WDPCP: variants seen among roughly 807,000 people sequenced by gnomAD.
WDPCP encodes the protein WD repeat containing planar cell polarity effector.
WDPCP carries 71 observed loss-of-function variants against 93.1 expected under a neutral mutation model. That is an observed-to-expected ratio of 0.76 (90% confidence interval 0.63 to 0.93). WDPCP has a LOEUF of 0.93. WDPCP is among the 40% of genes least tolerant of loss of function. WDPCP has a pLI of 0.00. For synonymous variants in WDPCP, 315 were observed against 315.0 expected (o/e 1.00, Z 0.00); for missense variants, 844 against 887.4 (o/e 0.95, Z 0.62).
rs571242475 is a variant in WDPCP at position 63,825,643 on chromosome 2, G to C, written n.222+1979C>G. ...CCAGTGCAGATTAGCAGGGGGTTCT[G>C]TTCATCATCACCCAGGAATTGAGGT... On this transcript the variant is annotated intron_variant and non_coding_transcript_variant, in intron 1 of 4. Coordinates refer to the WDPCP transcript ENST00000467687. Among the ~76,000 whole-genome samples the C allele has an allele frequency of 7.8e-4, 118 of 151,974 alleles. 2 individuals carry two copies. The highest frequency in any genetic ancestry group is 1.4e-3 in the Non-Finnish European group (94 of 67,954).
intron 2 of WDPCP, among the ~76,000 whole-genome samples, chr2:63,718,510 GTAGAGC>G (rs1232743648): frequency 6.6e-6 from 1 of 152,116 alleles, no homozygotes. Context: ...GATTAGTGAC[GTAGAGC>G]ATTTTTTCAT....
At chr2:63,351,795 G>A (rs1689642421) in intron 12 of WDPCP, among the ~76,000 whole-genome samples, 1 of 152,174 alleles carries the variant, frequency 6.6e-6, no homozygotes, top group Non-Finnish European at 1.5e-5. Flanking sequence ...CCAGTAATGG[G>A]ATTGCTGGAT....
intron 15 of WDPCP, among the ~76,000 whole-genome samples, chr2:63,156,061 G>A (rs978970041): frequency 2.0e-5 from 3 of 152,014 alleles, no homozygotes; most frequent in Non-Finnish European, 4.4e-5. Flanking sequence ...GAGCAGTGGC[G>A]GGATCTTGGC....
chr2:63,516,947 G>C (rs906077520), intron 1 of WDPCP, among the ~76,000 whole-genome samples: 11 of 151,378 alleles, frequency 7.3e-5, no homozygotes, highest in Non-Finnish European at 2.9e-5. Flanking sequence ...AGGGAGGTAG[G>C]GAAGAAGGTG....
chr2:63,666,323 A>C (rs1393249045), intron 2 of WDPCP, among the ~76,000 whole-genome samples: 1 of 152,164 alleles, frequency 6.6e-6, no homozygotes, highest in Admixed American at 6.5e-5. Context: ...GCTAGCAGGA[A>C]GGAGTTAGGA....
chr2:63,210,798 A>C (rs1676718064), intron 14 of WDPCP, among the ~76,000 whole-genome samples: 2 of 152,238 alleles, frequency 1.3e-5, no homozygotes, highest in Admixed American at 1.3e-4. Flanking sequence ...ATGGCACACC[A>C]GGAGATTATA....
At chr2:63,656,430 G>C (rs967518924) in intron 2 of WDPCP, among the ~76,000 whole-genome samples, 1 of 152,210 alleles carries the variant, frequency 6.6e-6, no homozygotes, top group African/African-American at 2.4e-5. Context: ...ATTGGGAAGT[G>C]CCAAGGCCAA....
rs182713599 is a variant in WDPCP at position 63,514,725 on chromosome 2, T to A, written c.76-21785A>T. Among the ~76,000 whole-genome samples, 8 of 152,224 alleles carry A rather than the reference T, an allele frequency of 5.3e-5. No individual in the cohort carries two copies. The East Asian group carries it at 1.3e-3, about 26-fold the overall frequency. On this transcript the variant is annotated intron_variant, in intron 1 of 17. Transcript: ENST00000272321. ...ACAGATATAGAGCTCAGGAGTTAGA[T>A]CTGGAATGAAAATACGGGTTTAGGA...
intron 6 of WDPCP, among the ~76,000 whole-genome samples, chr2:63,445,678 G>A (rs1291272383): frequency 6.6e-6 from 1 of 152,154 alleles, no homozygotes; most frequent in Non-Finnish European, 1.5e-5. Context: ...AGCAGGCAAG[G>A]TGGTAAAGGG....
chr2:63,153,475 G>T lies in WDPCP; in HGVS notation c.2158+20C>A. 6 of 1,577,968 alleles carry T rather than the reference G, an allele frequency of 3.8e-6. No homozygotes were observed. The highest frequency in any genetic ancestry group is 5.2e-6 in the Non-Finnish European group (6 of 1,148,588). On this transcript the variant is annotated intron_variant, in intron 16 of 17. Transcript: ENST00000272321. ...TTTTCTGTTATACTTTGAATACTTG[G>T]GTGTCTTGAATACCATTACCTTCTG...
At chr2:63,186,218 C>T (rs1452685354) in intron 14 of WDPCP, among the ~76,000 whole-genome samples, 2 of 152,338 alleles carry the variant, frequency 1.3e-5, no homozygotes, top group South Asian at 4.1e-4. Flanking sequence ...GTCCACAAAT[C>T]TTGCCACTTG....
intron 13 of WDPCP, among the ~76,000 whole-genome samples, chr2:63,290,934 T>C (rs1684374730): frequency 6.6e-6 from 1 of 152,182 alleles, no homozygotes; most frequent in Admixed American, 6.5e-5. Flanking sequence ...TGATTTCTTA[T>C]ATTTGGAATT....
intron 1 of WDPCP, among the ~76,000 whole-genome samples, chr2:63,521,150 C>A (rs11898615): frequency 0.78 from 119,231 of 152,108 alleles, 47,153 homozygotes; most frequent in East Asian, 0.99. Context: ...GCAACCACAC[C>A]AACAAATCTG....
At chr2:63,211,819 C>A (rs971025652) in intron 14 of WDPCP, among the ~76,000 whole-genome samples, 1 of 152,036 alleles carries the variant, frequency 6.6e-6, no homozygotes, top group African/African-American at 2.4e-5. Flanking sequence ...CTATGTGATG[C>A]GTGCACAAGC....
At chr2:63,564,777 CCTTT>C (rs902494164) in intron 1 of WDPCP, among the ~76,000 whole-genome samples, 1 of 126,260 alleles carries the variant, frequency 7.9e-6, no homozygotes, top group African/African-American at 3.3e-5. Context: ...TAAAACTGCA[CCTTT>C]TTTTTTTTTT....
At chr2:63,777,708 A>G (rs1301159236) in intron 2 of WDPCP, among the ~76,000 whole-genome samples, 1 of 152,232 alleles carries the variant, frequency 6.6e-6, no homozygotes, top group African/African-American at 2.4e-5. Context: ...AATTCTAATG[A>G]ATACAAACTG....
At chr2:63,508,094 G>A (rs928337886) in intron 1 of WDPCP, among the ~76,000 whole-genome samples, 1 of 152,062 alleles carries the variant, frequency 6.6e-6, no homozygotes, top group Non-Finnish European at 1.5e-5. Flanking sequence ...ACACCACAAA[G>A]ATGCTCCTCG....
chr2:63,770,104 A>C (rs968161787), intron 2 of WDPCP, among the ~76,000 whole-genome samples: 7 of 151,948 alleles, frequency 4.6e-5, no homozygotes, highest in African/African-American at 1.7e-4. Flanking sequence ...ATAATTTAAA[A>C]ATTGCTAAGT....
chr2:63,146,185 G>A (rs1368423654), intron 17 of WDPCP, among the ~76,000 whole-genome samples: 2 of 152,086 alleles, frequency 1.3e-5, no homozygotes, highest in Non-Finnish European at 2.9e-5. Context: ...TTCCTATTTG[G>A]ATGCCCTTTA....
Sources: gnomAD v4.1 joint callset for allele counts (sites outside exome capture counted in the v4.1 genomes callset) on GRCh38, gnomAD v4.1.1 for gene constraint, MANE v1.5 for transcripts, NCBI Gene and HGNC (gene_info 2026-07-23, HGNC 2026-07-21) for gene names.